ITPRID2: variants seen among roughly 807,000 people sequenced by gnomAD.
The protein encoded by ITPRID2 is ITPR interacting domain containing 2.
ITPRID2 carries 60 observed loss-of-function variants against 124.3 expected under a neutral mutation model. That is an observed-to-expected ratio of 0.48 (90% CI 0.39 to 0.60). The LOEUF is 0.60. Among genes scored for constraint, ITPRID2 ranks in the 20% least tolerant of loss-of-function variants. ITPRID2 has a pLI of 0.00. For missense variants in ITPRID2, 1,553 were observed against 1,512.2 expected, an observed-to-expected ratio of 1.03 and a Z score of -0.45; for synonymous variants, 521 against 542.9, an observed-to-expected ratio of 0.96 and a Z score of 0.56.
At chr2:181,916,689 A>C in intron 11 of ITPRID2, 1 of 696,570 alleles carries the variant, frequency 1.4e-6, no homozygotes, top group Non-Finnish European at 2.1e-6. Flanking sequence ...CTCGTTAAGT[A>C]TCCTCCCATT....
intron 12 of ITPRID2, 31 bp from the exon 13 acceptor site, chr2:181,918,724 A>G: frequency 1.2e-6 from 2 of 1,613,706 alleles, no homozygotes; most frequent in Non-Finnish European, 8.5e-7. Flanking sequence ...TGTAGAATTT[A>G]GAAGTGTAAT....
In ITPRID2 at chr2:181,915,910, G is replaced by T; in HGVS notation, c.2270G>T (p.Arg757Leu). 2 of 1,614,144 alleles carry T rather than the reference G, an allele frequency of 1.2e-6. No homozygotes were observed. Among genetic ancestry groups the T allele is most frequent in the Non-Finnish European group, 1.7e-6 (2 of 1,180,028 alleles). Residue 757 changes from arginine (R) to leucine (L), a missense_variant, in exon 11 of 18, where the codon CGA becomes CTA. By Grantham distance (102) the Arg-to-Leu change is moderately radical. Coordinates refer to ENST00000431877, the MANE Select transcript of ITPRID2 (RefSeq NM_001130445.3). The stretch of plus-strand genomic sequence containing the variant: ...AGGGTTGTGTCCTCTGTCAATGTTC[G>T]ATTATCTCCAGGAAAAGAGACCAGA... The part of the protein sequence containing the change: ...PVRVVSSVNV[R>L]LSPGKETRCS...
chr2:181,892,290 G>T lies in ITPRID2; in HGVS notation c.211+13G>T. On this transcript the variant is annotated intron_variant, in intron 1 of 17. Coordinates refer to ENST00000431877, the MANE Select transcript of ITPRID2 (RefSeq NM_001130445.3). The surrounding 1 kb of genome is among the most constrained non-coding windows in gnomAD (Gnocchi z 5.2). ...GCGGGGGGAAGAGGTCGGTGCTCCC[G>T]GCCGGGCTCCGGGGGGAGGCTGGTG... 2 of 1,540,490 alleles carry T rather than the reference G, an allele frequency of 1.3e-6. No individual in the cohort carries two copies. Among genetic ancestry groups the T allele is most frequent in the Non-Finnish European group, 1.8e-6 (2 of 1,142,512 alleles).
intron 16 of ITPRID2, 25 bp downstream of exon 16, chr2:181,922,437 A>G: frequency 1.3e-6 from 2 of 1,559,904 alleles, no homozygotes; most frequent in Middle Eastern, 1.7e-4. Context: ...TGTTTCATTC[A>G]TTTATTTGGA....
At position 181,902,430 on chromosome 2, in the gene ITPRID2, A is replaced by C; in HGVS notation, c.1377A>C (p.Ile459=). The C allele has an allele frequency of 6.2e-7, 1 of 1,602,810 alleles. No homozygotes were observed. Among genetic ancestry groups the C allele is most frequent in the Non-Finnish European group, 8.5e-7 (1 of 1,176,182 alleles). Reference sequence around the variant, plus strand: ...TGACAATACCATCCATAAGAAATATAATGACACAGCAGAAGGACTCCTTCG... The same window carrying C: ...TGACAATACCATCCATAAGAAATATCATGACACAGCAGAAGGACTCCTTCG... ...APLTIPSIRN[I]MTQQKDSFEM... is the part of the protein sequence containing the mutation. The change falls in exon 8 of 18, where the codon ATA becomes ATC. Residue 459 remains isoleucine (I), a synonymous_variant. Coordinates refer to ENST00000431877, the MANE Select transcript of ITPRID2 (RefSeq NM_001130445.3). This position sits in a 1 kb window ranked among gnomAD's most constrained non-coding sequence, Gnocchi z 4.4.
intron 16 of ITPRID2, among the ~76,000 whole-genome samples, chr2:181,922,728 A>G (rs1694570398): frequency 6.6e-6 from 1 of 152,194 alleles, no homozygotes; most frequent in South Asian, 2.1e-4. Context: ...CTACAAAATG[A>G]GGATTTACAG....
intron 11 of ITPRID2, chr2:181,916,766 C>G: frequency 7.9e-6 from 7 of 883,822 alleles, no homozygotes; most frequent in Non-Finnish European, 9.7e-6. Flanking sequence ...ATTAAAAAAT[C>G]TTCCCTCTTA....
Position 181,919,158 on chromosome 2 carries a change from TGTA to T in ITPRID2, c.2994-135_2994-133del, listed in dbSNP as rs1257238534. ...CTAATGTCCTTGTGGATACACCTAT[TGTA>T]GTTGATATTGTACTAATTTCTAGAA... On this transcript the variant is annotated intron_variant, in intron 13 of 17. Transcript: ENST00000431877. This position sits in a 1 kb window ranked among gnomAD's most constrained non-coding sequence, Gnocchi z 4.2. The T allele has an allele frequency of 5.1e-6, 5 of 975,842 alleles. No individual in the cohort carries two copies. The Admixed American group carries it at 7.2e-5, about 14-fold the overall frequency. 60.4% of individuals were successfully genotyped at this position (975,842 alleles called of 1,614,324 possible). A position where few individuals can be genotyped will look rare whatever the true frequency, so the allele number is the denominator to read the frequency against.
Position 181,922,173 on chromosome 2 carries a change from A to G in ITPRID2, c.3436A>G (p.Lys1146Glu), listed in dbSNP as rs764016354. Residue 1146 changes from lysine (K) to glutamate (E), a missense_variant, in exon 16 of 18, where the codon AAG becomes GAG. Transcript: ENST00000431877. ...ATCCAAAACCCCATTAGTGGCAAGG[A>G]AGAAAGTGTTCCGAGCATCGGTGGC... is the stretch of plus-strand genomic sequence containing the variant. The part of the protein sequence containing the change: ...GKSKTPLVAR[K>E]KVFRASVALT... 1.2e-6 allele frequency: 2 copies of G among 1,614,264 alleles called. No homozygotes were observed. The highest frequency in any genetic ancestry group is 1.7e-6 in the Non-Finnish European group (2 of 1,180,052).
At chr2:181,929,481 A>G (rs1695122358) in intron 17 of ITPRID2, 80 bp from the exon 18 acceptor site, 3 of 904,428 alleles carry the variant, frequency 3.3e-6, no homozygotes, top group Admixed American at 4.2e-5. Flanking sequence ...TTTGCATAAA[A>G]TTCTCATCTT....
Position 181,892,543 on chromosome 2 carries a change from G to A in ITPRID2, c.212-72G>A, listed in dbSNP as rs1233269549. ...TGCCGTGGTAGATTTTCCTACTTGGGAGGGTCCAGGGTGACTCCGCCGTCG... is the reference window on the plus strand; with the variant it reads ...TGCCGTGGTAGATTTTCCTACTTGGAAGGGTCCAGGGTGACTCCGCCGTCG... On this transcript the variant is annotated intron_variant, in intron 1 of 17. Coordinates refer to ENST00000431877, the MANE Select transcript of ITPRID2 (RefSeq NM_001130445.3). This position sits in a 1 kb window ranked among gnomAD's most constrained non-coding sequence, Gnocchi z 5.2. 1.3e-6 allele frequency: 2 copies of A among 1,582,908 alleles called. No individual in the cohort carries two copies. The highest frequency in any genetic ancestry group is 1.1e-5 in the South Asian group (1 of 90,416).
At chr2:181,901,682 A>G in intron 7 of ITPRID2, 84 bp from the exon 8 acceptor site, 1 of 1,007,346 alleles carries the variant, frequency 9.9e-7, no homozygotes, top group Non-Finnish European at 1.3e-6. Context: ...AGTTTTTGGA[A>G]TTCTAAACAA....
In ITPRID2 at chr2:181,915,697, C is replaced by T; in HGVS notation, c.2057C>T (p.Ser686Phe). The T allele has an allele frequency of 1.2e-6, 2 of 1,614,160 alleles. No homozygotes were observed. The highest frequency in any genetic ancestry group is 1.7e-6 in the Non-Finnish European group (2 of 1,180,038). The change falls in exon 11 of 18, where the codon TCT becomes TTT. Residue 686 changes from serine to phenylalanine, a missense_variant. Physicochemically the swap from Ser to Phe is radical, Grantham distance 155 (BLOSUM62 -2). Transcript: ENST00000431877. ...MSSENTTGPPSSMDRVNTALQ... is the reference protein window; with the variant it reads ...MSSENTTGPPFSMDRVNTALQ... ...TCTGAAAATACAACTGGGCCTCCCTCTTCCATGGACAGAGTTAATACAGCT... is the reference window on the plus strand; with the variant it reads ...TCTGAAAATACAACTGGGCCTCCCTTTTCCATGGACAGAGTTAATACAGCT...
intron 4 of ITPRID2, among the ~76,000 whole-genome samples, chr2:181,897,702 A>T (rs536557240): frequency 5.9e-4 from 89 of 151,830 alleles, no homozygotes; most frequent in Non-Finnish European, 1.1e-3. Context: ...GTACTTTTTT[A>T]AAAAAAACAA....
rs1415458406 is a variant in ITPRID2 at position 181,913,905 on chromosome 2, C to T, written c.1547C>T (p.Thr516Ile). The change falls in exon 10 of 18, where the codon ACA (threonine) becomes ATA (isoleucine). Residue 516 changes from threonine (T) to isoleucine (I), a missense_variant. Thr to Ile is a moderately conservative substitution (Grantham distance 89). Coordinates refer to ENST00000431877, the MANE Select transcript of ITPRID2 (RefSeq NM_001130445.3). ...SDSSGFAEDS[T>I]DCLSLNHLQV... is the part of the protein sequence containing the mutation. ...AGCAGTGGTTTTGCTGAAGATTCTA[C>T]AGACTGCCTATCCCTTAATCATCTT... is the stretch of plus-strand genomic sequence containing the variant. The T allele has an allele frequency of 4.3e-6, 7 of 1,613,206 alleles. No homozygotes were observed. Among genetic ancestry groups the T allele is most frequent in the Non-Finnish European group, 5.9e-6 (7 of 1,179,668 alleles).
At chr2:181,921,486 A>G (rs893057484) in intron 15 of ITPRID2, among the ~76,000 whole-genome samples, 2 of 152,010 alleles carry the variant, frequency 1.3e-5, no homozygotes, top group African/African-American at 4.8e-5. Flanking sequence ...TCAAAAAAAA[A>G]AAGAAAATTG....
chr2:181,893,477 T>G (rs1691929744), intron 2 of ITPRID2: 1 of 152,212 alleles, frequency 6.6e-6, no homozygotes, highest in Non-Finnish European at 1.5e-5. Flanking sequence ...GGGTAGTTTG[T>G]TTTGTTTTGT....
intron 14 of ITPRID2, 24 bp from the exon 15 acceptor site, chr2:181,920,573 T>C (rs775774208): frequency 1.3e-6 from 2 of 1,569,740 alleles, no homozygotes; most frequent in Non-Finnish European, 1.8e-6. Flanking sequence ...CATATACATA[T>C]ATATATTGTT....
chr2:181,911,816 T>A (rs1693630068), intron 9 of ITPRID2, among the ~76,000 whole-genome samples: 1 of 152,234 alleles, frequency 6.6e-6, no homozygotes, highest in South Asian at 2.1e-4. Context: ...ATTATTATTA[T>A]CTCGTTTTGC....
Sources: allele counts gnomAD v4.1 joint callset (sites outside exome capture counted in the v4.1 genomes callset), GRCh38; gene constraint gnomAD v4.1.1; non-coding constraint Gnocchi (gnomAD v3.1); transcripts MANE v1.5; gene names NCBI Gene and HGNC (gene_info 2026-07-23, HGNC 2026-07-21).